The following GMDS variants were observed in gnomAD, a reference collection of about 807,000 sequenced individuals.
GMDS encodes the protein GDP-mannose 4,6 dehydratase.
GMDS carries 20 observed loss-of-function variants against 49.9 expected under a neutral mutation model. The observed-to-expected ratio is 0.40, with a 90% CI of 0.28 to 0.58. The LOEUF (loss-of-function observed/expected upper bound fraction) is 0.58. Among genes scored for constraint, GMDS ranks in the 20% least tolerant of loss-of-function variants. The probability of loss-of-function intolerance (pLI) is 0.42; values close to 1 mark genes in which losing one functional copy is unlikely to be tolerated. For synonymous variants in GMDS, 177 were observed against 178.6 expected (o/e 0.99, Z 0.07); for missense variants, 362 against 481.4 (o/e 0.75, Z 2.32).
intron 4 of GMDS, among the ~76,000 whole-genome samples, chr6:2,009,508 C>T (rs1489332302): frequency 6.6e-6 from 1 of 152,130 alleles, no homozygotes; most frequent in Non-Finnish European, 1.5e-5. Context: ...GAACTTTTCA[C>T]AATGCCACAA....
At chr6:1,951,824 T>C in intron 6 of GMDS, 1 of 752,014 alleles carries the variant, frequency 1.3e-6, no homozygotes, top group Non-Finnish European at 1.6e-6. Flanking sequence ...TAATTATTTC[T>C]GTCAAACATC....
chr6:1,814,995 G>T (rs896524398), intron 7 of GMDS, among the ~76,000 whole-genome samples: 6 of 152,250 alleles, frequency 3.9e-5, no homozygotes, highest in Middle Eastern at 6.8e-3. Context: ...TGGACAACAG[G>T]CATGCAATAA....
intron 1 of GMDS, among the ~76,000 whole-genome samples, chr6:2,219,585 G>GAT (rs1182116682): frequency 1.2e-4 from 18 of 152,034 alleles, no homozygotes; most frequent in Admixed American, 1.2e-3. Context: ...AAAATGATTA[G>GAT]ATGTAAATGT....
intron 9 of GMDS, among the ~76,000 whole-genome samples, chr6:1,666,802 A>G (rs1307651144): frequency 1.3e-5 from 2 of 152,224 alleles, no homozygotes; most frequent in Non-Finnish European, 2.9e-5. Flanking sequence ...AAGCGGAACG[A>G]TAGTGGAGAC....
chr6:2,201,359 AAG>A (rs1779524917), intron 1 of GMDS, among the ~76,000 whole-genome samples: 1 of 129,660 alleles, frequency 7.7e-6, no homozygotes. Flanking sequence ...GTGAAGGATG[AAG>A]AGAGAGCACC....
At chr6:2,218,060 T>C (rs1316917286) in intron 1 of GMDS, among the ~76,000 whole-genome samples, 1 of 152,184 alleles carries the variant, frequency 6.6e-6, no homozygotes, top group Non-Finnish European at 1.5e-5. Flanking sequence ...CGATCACCTG[T>C]GGGGGTACCC....
At chr6:2,080,795 T>C (rs573878980) in intron 4 of GMDS, among the ~76,000 whole-genome samples, 14 of 152,242 alleles carry the variant, frequency 9.2e-5, no homozygotes, top group African/African-American at 3.1e-4. Context: ...TTGGAAAGTA[T>C]AAAAATGCGA....
At chr6:1,723,384 T>C (rs1320275261) in intron 9 of GMDS, among the ~76,000 whole-genome samples, 16 of 146,886 alleles carry the variant, frequency 1.1e-4, no homozygotes, top group African/African-American at 3.5e-4. Flanking sequence ...TGGAGTGCAG[T>C]GGCACGACCT....
At chr6:2,163,504 A>T (rs1777511974) in intron 1 of GMDS, among the ~76,000 whole-genome samples, 1 of 152,138 alleles carries the variant, frequency 6.6e-6, no homozygotes, top group Admixed American at 6.5e-5. Flanking sequence ...AAGTCCCAAG[A>T]TCTGCAGTCA....
At chr6:1,858,061 T>C (rs546104760) in intron 7 of GMDS, among the ~76,000 whole-genome samples, 18 of 152,292 alleles carry the variant, frequency 1.2e-4, no homozygotes, top group African/African-American at 4.3e-4. Context: ...CTTACGAAGA[T>C]CTATGTCATA....
At chr6:2,153,151 C>T (rs2127539275) in intron 1 of GMDS, among the ~76,000 whole-genome samples, 1 of 152,256 alleles carries the variant, frequency 6.6e-6, no homozygotes, top group Admixed American at 6.5e-5. Context: ...TTTTAGGAAG[C>T]AAGTAAAGCT....
intron 7 of GMDS, among the ~76,000 whole-genome samples, chr6:1,891,498 G>T (rs1185388739): frequency 6.6e-6 from 1 of 152,358 alleles, no homozygotes; most frequent in Non-Finnish European, 1.5e-5. Flanking sequence ...GGCAGTCCTG[G>T]AGGATTCAAA....
At chr6:1,859,439 T>C (rs1758085530) in intron 7 of GMDS, among the ~76,000 whole-genome samples, 1 of 152,216 alleles carries the variant, frequency 6.6e-6, no homozygotes, top group Admixed American at 6.5e-5. Flanking sequence ...CAATTTGGCA[T>C]AAAACTGCAA....
rs566961517 is a variant in GMDS, at chr6:1,779,719, TCTAA to T, written c.772-37137_772-37134del. 5.3e-3 allele frequency among the ~76,000 whole-genome samples: 812 copies of T among 152,304 alleles called. 2 individuals carry two copies. The highest frequency in any genetic ancestry group is 8.0e-3 in the Non-Finnish European group (547 of 68,030). The stretch of plus-strand genomic sequence containing the variant: ...TCAATCATGGATGCGAACCTGTCCC[TCTAA>T]CTGATAGTGGTAAAATGAAAAAAAC... On this transcript the variant is annotated intron_variant, in intron 7 of 10. Coordinates refer to ENST00000380815, the MANE Select transcript of GMDS (RefSeq NM_001500.4).
intron 1 of GMDS, among the ~76,000 whole-genome samples, chr6:2,138,569 C>A (rs9503106): frequency 1.3e-5 from 2 of 151,990 alleles, no homozygotes; most frequent in African/African-American, 4.8e-5. Flanking sequence ...GTTGAAGGTG[C>A]GGTCTAGTGG....
At chr6:2,073,624 T>C (rs970743018) in intron 4 of GMDS, among the ~76,000 whole-genome samples, 2 of 152,334 alleles carry the variant, frequency 1.3e-5, no homozygotes, top group Admixed American at 6.5e-5. Context: ...TTTGTACTCA[T>C]TGACCAAACT....
At chr6:1,825,934 T>G (rs568201722) in intron 7 of GMDS, among the ~76,000 whole-genome samples, 1 of 152,196 alleles carries the variant, frequency 6.6e-6, no homozygotes, top group Non-Finnish European at 1.5e-5. Flanking sequence ...GAGGATCACT[T>G]GAACCTAGGA....
intron 1 of GMDS, among the ~76,000 whole-genome samples, chr6:2,231,376 T>C (rs539306171): frequency 5.2e-4 from 79 of 152,072 alleles, no homozygotes; most frequent in Middle Eastern, 3.4e-3. Flanking sequence ...TTGGGCAACG[T>C]GGCAAAACCC....
At chr6:2,082,116 T>C (rs1562038054) in intron 4 of GMDS, among the ~76,000 whole-genome samples, 1 of 152,124 alleles carries the variant, frequency 6.6e-6, no homozygotes, top group African/African-American at 2.4e-5. Context: ...ACATTCAAGA[T>C]GAAGAAAGTA....
Sources: gnomAD v4.1 joint callset for allele counts (sites outside exome capture counted in the v4.1 genomes callset) on GRCh38, gnomAD v4.1.1 for gene constraint, MANE v1.5 for transcripts, NCBI Gene and HGNC (gene_info 2026-07-23, HGNC 2026-07-21) for gene names.